SH3D19: variants seen among roughly 807,000 people sequenced by gnomAD.
SH3D19 encodes the protein SH3 domain containing 19.
Under a neutral mutation model 112.1 loss-of-function variants are expected in SH3D19, and 58 were observed. The observed-to-expected ratio is 0.52, with a 90% CI of 0.42 to 0.64. The LOEUF (loss-of-function observed/expected upper bound fraction) is 0.64, where lower values mean the gene tolerates loss of function less well. SH3D19 is among the 30% of genes least tolerant of loss of function. The probability of loss-of-function intolerance (pLI) is 0.00; values close to 1 mark genes in which losing one functional copy is unlikely to be tolerated. For synonymous variants in SH3D19, 391 were observed against 448.5 expected (o/e 0.87, Z 1.62); for missense variants, 1,090 against 1,263.4 (o/e 0.86, Z 2.08).
intron 1 of SH3D19, among the ~76,000 whole-genome samples, chr4:151,236,587 T>A (rs1469863685): frequency 6.6e-6 from 1 of 150,630 alleles, no homozygotes; most frequent in Non-Finnish European, 1.5e-5. Context: ...GGGTTGTAAA[T>A]GCACCAATCA....
intron 1 of SH3D19, chr4:151,291,239 ACCAAAAATGGATT>A (rs1775309182): frequency 6.2e-7 from 1 of 1,613,792 alleles, no homozygotes; most frequent in African/African-American, 1.3e-5. Flanking sequence ...GTAATCTACT[ACCAAAAATGGATT>A]AATGCCACTA....
chr4:151,170,586 C>T (rs1758877197), intron 7 of SH3D19: 1 of 152,016 alleles, frequency 6.6e-6, no homozygotes, highest in African/African-American at 2.4e-5. Context: ...AATAATATAA[C>T]CATTTAGATA....
chr4:151,270,134 A>C (rs6535783), intron 1 of SH3D19, among the ~76,000 whole-genome samples: 66,332 of 151,934 alleles, frequency 0.44, 15,303 homozygotes, highest in Non-Finnish European at 0.52. Flanking sequence ...ATACATAAAG[A>C]AGTAACATAC....
chr4:151,306,093 A>C (rs546214047), intron 1 of SH3D19, among the ~76,000 whole-genome samples: 1 of 152,346 alleles, frequency 6.6e-6, no homozygotes, highest in African/African-American at 2.4e-5. Flanking sequence ...AAAATTATAC[A>C]GACAGGGAGC....
At chr4:151,227,774 G>A in intron 1 of SH3D19, 18 of 985,430 alleles carry the variant, frequency 1.8e-5, no homozygotes, top group Non-Finnish European at 2.0e-5. Flanking sequence ...GGCTAAAGCC[G>A]AGCTAAAACT....
At chr4:151,144,971 C>T (rs1753677927) in intron 11 of SH3D19, among the ~76,000 whole-genome samples, 1 of 152,174 alleles carries the variant, frequency 6.6e-6, no homozygotes, top group Non-Finnish European at 1.5e-5. Context: ...TCACATCCAA[C>T]ATGGGAAGAA....
chr4:151,229,685 G>A (rs111729109), intron 1 of SH3D19, among the ~76,000 whole-genome samples: 4,871 of 152,260 alleles, frequency 0.032, 103 homozygotes, highest in Middle Eastern at 0.051. Flanking sequence ...GGCCGAGGTG[G>A]GTGGATCACC....
At position 151,307,663 on chromosome 4, in the gene SH3D19, C is replaced by A. The variant is rs114272340; in HGVS notation, c.112+17578G>T. 9.7e-3 allele frequency among the ~76,000 whole-genome samples: 1,483 copies of A among 152,362 alleles called. 22 individuals are homozygous for A. The highest frequency in any genetic ancestry group is 0.032 in the African/African-American group (1,333 of 41,586). Reference sequence around the variant, plus strand: ...TGGGCCTGGATTTGACATCCATGAACTGTGCAGCAGCTCAAAGCCTGGGTC... The same window carrying A: ...TGGGCCTGGATTTGACATCCATGAAATGTGCAGCAGCTCAAAGCCTGGGTC... On this transcript the variant is annotated intron_variant, in intron 1 of 19. Coordinates refer to ENST00000604030, the MANE Select transcript of SH3D19 (RefSeq NM_001378122.1).
chr4:151,258,956 GC>G (rs74914727), intron 1 of SH3D19, among the ~76,000 whole-genome samples: 49,743 of 151,854 alleles, frequency 0.33, 9,456 homozygotes, highest in Non-Finnish European at 0.44. Context: ...AATGGGGTAA[GC>G]CCTAGGTAGG....
At chr4:151,256,010 GA>G (rs1771875524) in intron 1 of SH3D19, among the ~76,000 whole-genome samples, 1 of 119,708 alleles carries the variant, frequency 8.4e-6, no homozygotes, top group East Asian at 2.4e-4. Context: ...CGTGGAAAGA[GA>G]GGGGGAGAGG....
At chr4:151,324,816 G>C (rs1242423683) in intron 1 of SH3D19, among the ~76,000 whole-genome samples, 1 of 152,018 alleles carries the variant, frequency 6.6e-6, no homozygotes, top group Non-Finnish European at 1.5e-5. Flanking sequence ...TGCAAGGGAC[G>C]CCGAAACAGG....
intron 1 of SH3D19, among the ~76,000 whole-genome samples, chr4:151,269,736 T>C (rs1773097140): frequency 6.6e-6 from 1 of 152,180 alleles, no homozygotes; most frequent in African/African-American, 2.4e-5. Context: ...CACAAACACA[T>C]TGTATAGTTG....
At chr4:151,144,202 G>A in intron 11 of SH3D19, 152 bp from the exon 12 acceptor site, 1 of 1,611,756 alleles carries the variant, frequency 6.2e-7, no homozygotes, top group Non-Finnish European at 8.5e-7. Context: ...AACCAGTAAG[G>A]AAAGAGCTCT....
Position 151,175,659 on chromosome 4 carries a change from A to G in SH3D19, c.545T>C (p.Leu182Pro). Residue 182 changes from leucine to proline, a missense_variant, in exon 7 of 20, where the codon CTC becomes CCC. By Grantham distance (98) the Leu-to-Pro change is moderately conservative. Transcript: ENST00000604030. ...TGCTGAGAAAGGCTGAAGAGGCTTG[A>G]GAGGTGCCTGTAGTGCTGACGAGAC... ...NDLPQTLQAP[L>P]KPLQPFSAVS... 7.7e-7 allele frequency: 1 copy of G among 1,295,868 alleles called. No homozygotes were observed. The highest frequency in any genetic ancestry group is 9.7e-7 in the Non-Finnish European group (1 of 1,027,196). 80.3% of individuals were successfully genotyped at this position (1,295,868 alleles called of 1,614,324 possible).
intron 1 of SH3D19, among the ~76,000 whole-genome samples, chr4:151,262,530 A>C (rs1483236434): frequency 2.0e-5 from 3 of 152,184 alleles, no homozygotes; most frequent in East Asian, 1.9e-4. Context: ...TGCCTTCCCC[A>C]GTGTGCTTCC....
chr4:151,202,159 C>T (rs1580133014), intron 2 of SH3D19, among the ~76,000 whole-genome samples: 1 of 152,008 alleles, frequency 6.6e-6, no homozygotes. Context: ...CACGGTGAAA[C>T]CCTGTCTCTA....
At chr4:151,181,087 A>C (rs953513477) in intron 3 of SH3D19, among the ~76,000 whole-genome samples, 3 of 151,942 alleles carry the variant, frequency 2.0e-5, no homozygotes, top group Non-Finnish European at 4.4e-5. Flanking sequence ...TCTATTTTTC[A>C]TGGAACATAT....
At chr4:151,216,194 AG>A (rs1188051237) in intron 2 of SH3D19, among the ~76,000 whole-genome samples, 1 of 152,184 alleles carries the variant, frequency 6.6e-6, no homozygotes, top group Non-Finnish European at 1.5e-5. Flanking sequence ...ATGAGACAGG[AG>A]GTGATTGAGC....
At chr4:151,194,458 G>C (rs1484354206) in intron 2 of SH3D19, among the ~76,000 whole-genome samples, 1 of 151,800 alleles carries the variant, frequency 6.6e-6, no homozygotes, top group Non-Finnish European at 1.5e-5. Flanking sequence ...ATATATGGTA[G>C]TTTCAGTTTC....
Sources: allele counts gnomAD v4.1 joint callset (sites outside exome capture counted in the v4.1 genomes callset), GRCh38; gene constraint gnomAD v4.1.1; transcripts MANE v1.5; gene names NCBI Gene and HGNC (gene_info 2026-07-23, HGNC 2026-07-21).